Variants in PTPRD observed in about 807,000 individuals in gnomAD.
The protein encoded by PTPRD is protein tyrosine phosphatase receptor type D.
Under a neutral mutation model 214.5 loss-of-function variants are expected in PTPRD, and 34 were observed. That is an observed-to-expected ratio of 0.16 (90% CI 0.12 to 0.21). The LOEUF (loss-of-function observed/expected upper bound fraction) is 0.21. PTPRD is among the 10% of genes least tolerant of loss of function. PTPRD has a pLI of 1.00. For missense variants in PTPRD, 2,545 were observed against 2,398.7 expected, an observed-to-expected ratio of 1.06 and a Z score of -1.27; for synonymous variants, 1,128 against 845.7, an observed-to-expected ratio of 1.33 and a Z score of -5.79.
intron 2 of PTPRD, among the ~76,000 whole-genome samples, chr9:10,541,777 T>C (rs1474298230): frequency 1.3e-5 from 2 of 152,016 alleles, no homozygotes; most frequent in Non-Finnish European, 2.9e-5. Context: ...TAAAGATACA[T>C]TTATAATATG....
chr9:9,902,818 A>G (rs370503640), intron 5 of PTPRD, among the ~76,000 whole-genome samples: 28 of 152,160 alleles, frequency 1.8e-4, no homozygotes, highest in East Asian at 1.7e-3. Flanking sequence ...ACTTTTTCCA[A>G]GCACACTGTA....
chr9:10,017,506 C>T (rs2096745767), intron 4 of PTPRD, among the ~76,000 whole-genome samples: 1 of 152,022 alleles, frequency 6.6e-6, no homozygotes, highest in Admixed American at 6.6e-5. Context: ...TAGAATCCTC[C>T]ACATCTTAAC....
At position 9,082,235 on chromosome 9, in the gene PTPRD, A is replaced by T. The variant is rs188277539; in HGVS notation, c.-142-63500T>A. Among the ~76,000 whole-genome samples, 498 of 152,268 alleles carry T rather than the reference A, an allele frequency of 3.3e-3. 3 individuals carry two copies. Among genetic ancestry groups the T allele is most frequent in the South Asian group, 8.3e-3 (40 of 4,828 alleles). The stretch of plus-strand genomic sequence containing the variant: ...AAAATACTGGCAAACCGAATCCAGC[A>T]GCACATCAAAAAGCTTATCCACCAC... On this transcript the variant is annotated intron_variant, in intron 10 of 45. Coordinates refer to ENST00000381196, the MANE Select transcript of PTPRD (RefSeq NM_002839.4).
chr9:8,634,786 A>G (rs2096375476), intron 13 of PTPRD, among the ~76,000 whole-genome samples: 1 of 151,946 alleles, frequency 6.6e-6, no homozygotes, highest in African/African-American at 2.4e-5. Context: ...AATGTTGACT[A>G]ATTTATTAAT....
At chr9:8,785,385 G>A (rs2095901499) in intron 11 of PTPRD, among the ~76,000 whole-genome samples, 1 of 152,068 alleles carries the variant, frequency 6.6e-6, no homozygotes, top group Admixed American at 6.6e-5. Context: ...TAGCTACAAA[G>A]GCAAAAGAAC....
chr9:10,547,876 T>A (rs544741956), intron 2 of PTPRD, among the ~76,000 whole-genome samples: 1 of 152,074 alleles, frequency 6.6e-6, no homozygotes, highest in Admixed American at 6.6e-5. Context: ...AACATGATAT[T>A]TGGTTGGGAT....
At chr9:8,949,163 G>A (rs1482301566) in intron 11 of PTPRD, among the ~76,000 whole-genome samples, 1 of 149,966 alleles carries the variant, frequency 6.7e-6, no homozygotes, top group Non-Finnish European at 1.5e-5. Context: ...GGTGGAGGGT[G>A]CAGTGAGCCA....
Position 8,499,821 on chromosome 9 carries a change from G to C in PTPRD, c.2148C>G (p.Arg716=). ...AGTTGACAGCCTCTACCTCGACTTT[G>C]CGAGGAGGACCACTAGGAACTGGAA... ...TNEDVPSGPP[R]KVEVEAVNST... The change falls in exon 25 of 46, where the codon CGC becomes CGG. Residue 716 remains arginine (R), a synonymous_variant. Transcript: ENST00000381196. 1 of 1,611,932 alleles carries C rather than the reference G, an allele frequency of 6.2e-7. No individual in the cohort carries two copies.
intron 8 of PTPRD, among the ~76,000 whole-genome samples, chr9:9,462,914 C>G (rs2093791992): frequency 6.6e-6 from 1 of 152,160 alleles, no homozygotes; most frequent in Admixed American, 6.6e-5. Flanking sequence ...AAAGAATCAT[C>G]ACATCAGTTT....
At chr9:9,837,646 G>T (rs887307313) in intron 5 of PTPRD, among the ~76,000 whole-genome samples, 5 of 152,122 alleles carry the variant, frequency 3.3e-5, no homozygotes, top group African/African-American at 9.7e-5. Flanking sequence ...AAATGTCAAA[G>T]GCCCTGCAGT....
intron 11 of PTPRD, among the ~76,000 whole-genome samples, chr9:8,997,414 T>C (rs1287906070): frequency 6.6e-6 from 1 of 152,094 alleles, no homozygotes; most frequent in Non-Finnish European, 1.5e-5. Flanking sequence ...TATTAGCATA[T>C]CTGTTATAGT....
At chr9:9,425,254 A>G (rs1051495490) in intron 8 of PTPRD, among the ~76,000 whole-genome samples, 1 of 151,888 alleles carries the variant, frequency 6.6e-6, no homozygotes, top group Non-Finnish European at 1.5e-5. Context: ...GAGACATACC[A>G]AATATGCTGA....
chr9:8,453,279 T>A lies in PTPRD; in HGVS notation c.3876-3442A>T, dbSNP rs1368005043. ...CCCGGGTTCATGCCATTCTCCTGCC[T>A]CAGCCTCCCGAGTAGCTGGGATTAC... On this transcript the variant is annotated intron_variant, in intron 33 of 45. Coordinates refer to ENST00000381196, the MANE Select transcript of PTPRD (RefSeq NM_002839.4). 3.3e-5 allele frequency among the ~76,000 whole-genome samples: 5 copies of A among 152,276 alleles called. No homozygotes were observed. In the East Asian group the frequency reaches 9.7e-4, roughly 30 times the overall value.
intron 7 of PTPRD, among the ~76,000 whole-genome samples, chr9:9,611,081 T>C (rs1003074315): frequency 6.6e-6 from 1 of 152,192 alleles, no homozygotes; most frequent in South Asian, 2.1e-4. Context: ...AACATCGTCC[T>C]CTATCATTTA....
At chr9:8,698,678 A>C (rs2154391732) in intron 12 of PTPRD, among the ~76,000 whole-genome samples, 1 of 152,316 alleles carries the variant, frequency 6.6e-6, no homozygotes, top group African/African-American at 2.4e-5. Flanking sequence ...CTGCCGCCTC[A>C]TGGTGAAACT....
rs534230861 is a variant in PTPRD at position 8,336,029 on chromosome 9, C to G, written c.5379+2893G>C. On this transcript the variant is annotated intron_variant, in intron 43 of 45. Transcript: ENST00000381196. ...AATCAATATCGTGAAAATGGCCATA[C>G]TGCCCAAGGTAATTTATAGATTCAA... Among the ~76,000 whole-genome samples the G allele has an allele frequency of 4.4e-3, 663 of 150,384 alleles. 4 individuals are homozygous for G. Among genetic ancestry groups the G allele is most frequent in the African/African-American group, 0.015 (602 of 39,838 alleles).
chr9:9,460,697 A>G (rs2093576471), intron 8 of PTPRD, among the ~76,000 whole-genome samples: 1 of 152,158 alleles, frequency 6.6e-6, no homozygotes, highest in Non-Finnish European at 1.5e-5. Context: ...ATGTGGAGAA[A>G]AGGAAACACT....
chr9:9,176,868 G>C lies in PTPRD; in HGVS notation c.-143+6436C>G, dbSNP rs202009595. Among the ~76,000 whole-genome samples, 38 of 152,152 alleles carry C rather than the reference G, an allele frequency of 2.5e-4. No homozygotes were observed. The East Asian group carries it at 6.8e-3, about 27-fold the overall frequency. On this transcript the variant is annotated intron_variant, in intron 10 of 45. Coordinates refer to ENST00000381196, the MANE Select transcript of PTPRD (RefSeq NM_002839.4). ...CATTCTTTATAAATTACTCATGCGG[G>C]GGTATTGTGTTATAGCAGCACAAAA...
intron 14 of PTPRD, among the ~76,000 whole-genome samples, chr9:8,539,321 A>G (rs544232440): frequency 8.5e-5 from 13 of 152,112 alleles, no homozygotes; most frequent in African/African-American, 2.9e-4. Flanking sequence ...CTAGATTTGC[A>G]GTATGCAATT....
Sources: gnomAD v4.1 joint callset for allele counts (sites outside exome capture counted in the v4.1 genomes callset) on GRCh38, gnomAD v4.1.1 for gene constraint, MANE v1.5 for transcripts, NCBI Gene and HGNC (gene_info 2026-07-23, HGNC 2026-07-21) for gene names.